The following TMEM123 variants were observed in gnomAD, a reference collection of about 807,000 sequenced individuals.
TMEM123 encodes transmembrane protein 123.
A neutral mutation model predicts 19.7 loss-of-function variants in TMEM123; 16 were observed. The ratio of observed to expected loss-of-function variants is 0.81; its 90% CI spans 0.55 to 1.23. The LOEUF (loss-of-function observed/expected upper bound fraction) is 1.23, where lower values mean the gene tolerates loss of function less well. TMEM123 is among the 50% of genes most tolerant of loss of function. The probability of loss-of-function intolerance (pLI) is 0.00; values close to 1 mark genes in which losing one functional copy is unlikely to be tolerated. For synonymous variants in TMEM123, 118 were observed against 99.4 expected, an observed-to-expected ratio of 1.19 and a Z score of -1.12; for missense variants, 313 against 257.8, an observed-to-expected ratio of 1.21 and a Z score of -1.47.
intron 1 of TMEM123, 72 bp downstream of exon 1, chr11:102,452,452 A>C: frequency 7.8e-7 from 1 of 1,289,452 alleles, no homozygotes; most frequent in Non-Finnish European, 1.0e-6. Flanking sequence ...ACCAGAGCCC[A>C]ACTTGGGAAC....
intron 2 of TMEM123, among the ~76,000 whole-genome samples, chr11:102,432,880 T>TCA: frequency 6.8e-6 from 1 of 147,556 alleles, no homozygotes; most frequent in South Asian, 2.1e-4. Context: ...GGCCATTGCT[T>TCA]CAGAGGGTGC....
intron 2 of TMEM123, among the ~76,000 whole-genome samples, chr11:102,422,545 A>T (rs1419363510): frequency 6.6e-6 from 1 of 152,120 alleles, no homozygotes; most frequent in Non-Finnish European, 1.5e-5. Context: ...CCAATTAGGA[A>T]ATCCCCAAAA....
chr11:102,431,808 G>A (rs1298668694), intron 2 of TMEM123, among the ~76,000 whole-genome samples: 3 of 152,168 alleles, frequency 2.0e-5, no homozygotes, highest in Admixed American at 6.5e-5. Flanking sequence ...TGACCCGGTG[G>A]TAGGTAACTG....
chr11:102,445,592 C>A (rs1330162683), intron 2 of TMEM123, among the ~76,000 whole-genome samples: 1 of 152,168 alleles, frequency 6.6e-6, no homozygotes, highest in Non-Finnish European at 1.5e-5. Flanking sequence ...CTGATAAATT[C>A]TTTCCACTTC....
At chr11:102,449,244 C>T (rs1233091115) in intron 1 of TMEM123, 1 of 184,580 alleles carries the variant, frequency 5.4e-6, no homozygotes, top group South Asian at 1.1e-4. Flanking sequence ...CAGGAGAGGC[C>T]GATTCTACTC....
At chr11:102,414,596 C>G (rs1427088787) in intron 2 of TMEM123, among the ~76,000 whole-genome samples, 2 of 152,144 alleles carry the variant, frequency 1.3e-5, no homozygotes, top group African/African-American at 4.8e-5. Flanking sequence ...TCTAGCTAAG[C>G]TAAACTTCAT....
chr11:102,441,222 C>G (rs1345390335), intron 2 of TMEM123, among the ~76,000 whole-genome samples: 1 of 152,190 alleles, frequency 6.6e-6, no homozygotes, highest in East Asian at 1.9e-4. Context: ...ACTCTCCACC[C>G]CAAATCAACA....
rs1329641846 is a variant in TMEM123 at position 102,397,533 on chromosome 11, C to G, written c.*1334G>C. 6.6e-6 allele frequency: 1 copy of G among 152,160 alleles called. No individual in the cohort carries two copies. The highest frequency in any genetic ancestry group is 2.4e-5 in the African/African-American group (1 of 41,448). 9.4% of individuals were successfully genotyped at this position (152,160 alleles called of 1,614,324 possible). The stretch of plus-strand genomic sequence containing the variant: ...ACATTAGCTAATATTGGTGTCTCTA[C>G]AATACTGTGCTTTTTCTCTCCATTA... On this transcript the variant is annotated 3_prime_UTR_variant, in exon 5 of 5. Coordinates refer to ENST00000398136, the MANE Select transcript of TMEM123 (RefSeq NM_052932.3).
At chr11:102,451,262 A>G (rs1169621427) in intron 1 of TMEM123, 1 of 152,238 alleles carries the variant, frequency 6.6e-6, no homozygotes, top group Admixed American at 6.5e-5. Flanking sequence ...CACAGCAACA[A>G]ATTTTTAAAA....
At chr11:102,452,386 C>A (rs1857951409) in intron 1 of TMEM123, 138 bp downstream of exon 1, 1 of 682,312 alleles carries the variant, frequency 1.5e-6, no homozygotes. Flanking sequence ...CCACCCCGCC[C>A]GGTCACCTCT....
At chr11:102,398,953 TC>T in intron 4 of TMEM123, 62 bp from the exon 5 acceptor site, 1 of 1,437,420 alleles carries the variant, frequency 7.0e-7, no homozygotes, top group Non-Finnish European at 9.7e-7. Context: ...CTACTTATGT[TC>T]CTATTTGTTA....
chr11:102,437,285 C>A (rs1857772913), intron 2 of TMEM123, among the ~76,000 whole-genome samples: 2 of 152,048 alleles, frequency 1.3e-5, no homozygotes, highest in Admixed American at 1.3e-4. Context: ...CCAGCCCCAT[C>A]TCTTTAACCC....
intron 2 of TMEM123, among the ~76,000 whole-genome samples, chr11:102,410,667 CCT>C (rs963666516): frequency 5.3e-5 from 8 of 152,142 alleles, no homozygotes; most frequent in East Asian, 3.9e-4. Flanking sequence ...TTATCACACC[CCT>C]GTTAGGCTGA....
intron 2 of TMEM123, among the ~76,000 whole-genome samples, chr11:102,410,253 G>A (rs1316115026): frequency 2.6e-5 from 4 of 152,174 alleles, no homozygotes; most frequent in Admixed American, 2.6e-4. Flanking sequence ...TAACAACCGA[G>A]ACATAGTTCA....
At chr11:102,438,469 C>T (rs568192714) in intron 2 of TMEM123, among the ~76,000 whole-genome samples, 1 of 152,298 alleles carries the variant, frequency 6.6e-6, no homozygotes, top group East Asian at 1.9e-4. Context: ...TCTTATTTAC[C>T]ACTTCATGCC....
intron 2 of TMEM123, among the ~76,000 whole-genome samples, chr11:102,424,700 G>A (rs1238925003): frequency 4.0e-5 from 6 of 151,276 alleles, no homozygotes; most frequent in Admixed American, 4.0e-4. Context: ...AAAAAAAAAA[G>A]AAACTCAGTA....
At position 102,401,606 on chromosome 11, in the gene TMEM123, C is replaced by T. The variant is rs1450558160; in HGVS notation, c.535G>A (p.Val179Ile). Residue 179 changes from valine (V) to isoleucine (I), a missense_variant, in exon 4 of 5, where the codon GTT (valine) becomes ATT (isoleucine). Physicochemically the swap from Val to Ile is conservative, Grantham distance 29. Transcript: ENST00000398136. ...CATCCAATGTAAAGAATAGATAAAA[C>T]TCCCAGCGTTAATACAATACCACCA... ...FVGGIVLTLGVLSILYIGCKM... is the reference protein window; with the variant it reads ...FVGGIVLTLGILSILYIGCKM... 6.2e-7 allele frequency: 1 copy of T among 1,605,816 alleles called. No individual in the cohort carries two copies. Among genetic ancestry groups the T allele is most frequent in the African/African-American group, 1.3e-5 (1 of 74,404 alleles).
chr11:102,403,261 C>T (rs1951928299), intron 2 of TMEM123, among the ~76,000 whole-genome samples: 1 of 152,226 alleles, frequency 6.6e-6, no homozygotes, highest in Non-Finnish European at 1.5e-5. Context: ...CTGCTCGCCT[C>T]AGCTTCCCCA....
At chr11:102,448,988 AG>A (rs1428667128) in intron 1 of TMEM123, 120 bp from the exon 2 acceptor site, 4 of 966,824 alleles carry the variant, frequency 4.1e-6, no homozygotes, top group South Asian at 1.3e-5. Context: ...ATTATTCCAC[AG>A]GAAGTTCTAC....
Sources: allele counts gnomAD v4.1 joint callset (sites outside exome capture counted in the v4.1 genomes callset), GRCh38; gene constraint gnomAD v4.1.1; transcripts MANE v1.5; gene names NCBI Gene and HGNC (gene_info 2026-07-23, HGNC 2026-07-21).